The following EMG1 variants were observed in gnomAD, a reference collection of about 807,000 sequenced individuals.
The protein encoded by EMG1 is EMG1 N1-specific pseudouridine methyltransferase.
In EMG1, 24 loss-of-function variants were observed where a neutral mutation model predicts 26.9. That is an observed-to-expected ratio of 0.89 (90% confidence interval 0.65 to 1.26). The LOEUF (loss-of-function observed/expected upper bound fraction) is 1.26, where lower values mean the gene tolerates loss of function less well. Ranked by LOEUF, EMG1 falls within the 50% of genes most tolerant of loss-of-function variation. The pLI is 0.00. For missense variants in EMG1, 299 were observed against 307.6 expected (o/e 0.97, Z 0.21); for synonymous variants, 140 against 112.6 (o/e 1.24, Z -1.54).
chr12:6,984,979 G>T (rs782668225), intron 6 of EMG1, among the ~76,000 whole-genome samples: 9 of 150,188 alleles, frequency 6.0e-5, no homozygotes, highest in African/African-American at 2.0e-4. Context: ...AAAACGCTTA[G>T]AATAGTATCA....
In EMG1 at chr12:6,975,150, T is replaced by G; in HGVS notation, c.471+2T>G. ...GATGGCCCCCAGAAGCTTTTGAAGG[T>G]GAGGTATTGAAACCTGTTAGTTGAA... On this transcript the variant is annotated splice_donor_variant, in intron 4 of 5. Coordinates refer to ENST00000599672, the MANE Select transcript of EMG1 (RefSeq NM_006331.8). LOFTEE classifies it high-confidence loss of function. 6.2e-7 allele frequency: 1 copy of G among 1,614,056 alleles called. No individual in the cohort carries two copies. The highest frequency in any genetic ancestry group is 8.5e-7 in the Non-Finnish European group (1 of 1,179,892).
chr12:6,983,641 GAA>G, downstream of EMG1: 1 of 580,062 alleles, frequency 1.7e-6, no homozygotes, highest in Non-Finnish European at 3.0e-6. Flanking sequence ...GAGGGAGAGA[GAA>G]AAAAAAAACA....
At chr12:6,974,289 T>C (rs1946366223) in intron 1 of EMG1, 50 bp from the exon 2 acceptor site, 6 of 1,361,360 alleles carry the variant, frequency 4.4e-6, no homozygotes, top group Non-Finnish European at 6.2e-6. Context: ...ACCACGGGGC[T>C]AGGTAACAGA....
downstream of EMG1, chr12:6,980,815 T>C: frequency 4.3e-6 from 2 of 460,430 alleles, no homozygotes; most frequent in East Asian, 3.4e-5. Flanking sequence ...AGTGTTAGAA[T>C]GGATAACTGG....
intron 6 of EMG1, among the ~76,000 whole-genome samples, chr12:6,986,054 C>T (rs1037295135): frequency 1.3e-5 from 2 of 151,820 alleles, no homozygotes; most frequent in Non-Finnish European, 1.5e-5. Flanking sequence ...GGATTACAGG[C>T]GTGAGCCACC....
chr12:6,983,656 A>G (rs1555154457), downstream of EMG1: 1 of 670,632 alleles, frequency 1.5e-6, no homozygotes, highest in Admixed American at 2.9e-5. Context: ...AAAAAACAAC[A>G]TACATTATAT....
Position 6,978,418 on chromosome 12 carries a change from C to CA in EMG1, c.*2610dup. On this transcript the variant is annotated 3_prime_UTR_variant, in exon 6 of 6. Coordinates refer to ENST00000599672, the MANE Select transcript of EMG1 (RefSeq NM_006331.8). ...AGCGGGGGTTTGTTTCAAAGAGCCA[C>CA]ACCTTCATGTTGGCACAGGCATCCC... 1 of 1,614,116 alleles carries CA rather than the reference C, an allele frequency of 6.2e-7. No homozygotes were observed. Among genetic ancestry groups the CA allele is most frequent in the East Asian group, 2.2e-5 (1 of 44,894 alleles).
intron 3 of EMG1, 113 bp from the exon 4 acceptor site, chr12:6,974,977 A>C: frequency 9.2e-7 from 1 of 1,085,564 alleles, no homozygotes; most frequent in Non-Finnish European, 1.4e-6. Context: ...AGTCCAGTCT[A>C]GATATAAAGC....
chr12:6,982,699 G>A, downstream of EMG1: 3 of 1,613,414 alleles, frequency 1.9e-6, no homozygotes, highest in Non-Finnish European at 2.5e-6. Flanking sequence ...AAGGTAGTGA[G>A]GACGGCAGTG....
intron 1 of EMG1, among the ~76,000 whole-genome samples, chr12:6,971,794 A>T (rs1946332715): frequency 6.6e-6 from 1 of 152,190 alleles, no homozygotes; most frequent in Admixed American, 6.5e-5. Flanking sequence ...TCGTGTTTCA[A>T]TTCATTAGTA....
downstream of EMG1, among the ~76,000 whole-genome samples, chr12:6,989,115 T>C (rs1464166943): frequency 2.7e-5 from 4 of 148,224 alleles, no homozygotes; most frequent in African/African-American, 1.0e-4. Flanking sequence ...AGAGCGAAAC[T>C]CCATCTCAAA....
At position 6,979,908 on chromosome 12, in the gene EMG1, G is replaced by T; in HGVS notation, c.*4099G>T. 1 of 256,774 alleles carries T rather than the reference G, an allele frequency of 3.9e-6. No individual in the cohort carries two copies. The highest frequency in any genetic ancestry group is 1.4e-4 in the South Asian group (1 of 6,964). The allele number at this position is 256,774 out of a possible 1,614,324, so 15.9% of individuals were successfully genotyped here. ...CCATTGGGACTGAAAACCCAGTGGA[G>T]GTAAGATAATAAAAATAACCACTTT... On this transcript the variant is annotated 3_prime_UTR_variant, in exon 6 of 6. Coordinates refer to ENST00000599672, the MANE Select transcript of EMG1 (RefSeq NM_006331.8).
Position 6,975,692 on chromosome 12 carries a change from T to C in EMG1, c.622-4T>C. 1.3e-6 allele frequency: 2 copies of C among 1,592,102 alleles called. No homozygotes were observed. Among genetic ancestry groups the C allele is most frequent in the Non-Finnish European group, 1.7e-6 (2 of 1,159,846 alleles). On this transcript the variant is annotated splice_polypyrimidine_tract_variant and splice_region_variant and intron_variant, in intron 5 of 5. Coordinates refer to ENST00000599672, the MANE Select transcript of EMG1 (RefSeq NM_006331.8). ...GTTGGCTGACAAAACTGTTCTTTTC[T>C]TAGGTCAGTGTGGAGTATACAGAGA...
In EMG1 at chr12:6,979,331, G is replaced by A; in HGVS notation, c.*3522G>A. ...AACATGTCCCAGCACGGCTGGCATT[G>A]ACAACTCACAGATCTAGAGCAAAAC... is the stretch of plus-strand genomic sequence containing the variant. On this transcript the variant is annotated 3_prime_UTR_variant, in exon 6 of 6. Transcript: ENST00000599672. The A allele has an allele frequency of 3.0e-6, 2 of 665,362 alleles. No individual in the cohort carries two copies. Among genetic ancestry groups the A allele is most frequent in the Non-Finnish European group, 5.3e-6 (2 of 378,540 alleles). The allele number at this position is 665,362 out of a possible 1,614,324, so 41.2% of individuals were successfully genotyped here.
chr12:6,980,939 C>T, downstream of EMG1: 1 of 1,466,640 alleles, frequency 6.8e-7, no homozygotes, highest in African/African-American at 1.4e-5. Context: ...ATGCAGCTTT[C>T]AGAAGAGTCA....
downstream of EMG1, chr12:6,981,206 G>T: frequency 6.3e-7 from 1 of 1,577,068 alleles, no homozygotes; most frequent in Admixed American, 1.8e-5. Context: ...AGAATGCATG[G>T]TTCAGGATAG....
chr12:6,988,214 T>C (rs1461101269), exon 8 of EMG1: 1 of 164,764 alleles, frequency 6.1e-6, no homozygotes, highest in Non-Finnish European at 1.3e-5. Context: ...ACAGGTGAGG[T>C]ATTGCACACT....
intron 7 of EMG1, among the ~76,000 whole-genome samples, chr12:6,988,012 C>T (rs782530941): frequency 5.3e-5 from 8 of 151,840 alleles, no homozygotes; most frequent in East Asian, 3.8e-4. Context: ...TCCTAATTTA[C>T]GGCAGGCCTT....
intron 6 of EMG1, among the ~76,000 whole-genome samples, chr12:6,986,220 G>C (rs1454969282): frequency 1.3e-5 from 2 of 152,160 alleles, no homozygotes; most frequent in East Asian, 3.8e-4. Context: ...TGCCACTGCT[G>C]AGATGGCAAC....
Sources: allele counts gnomAD v4.1 joint callset (sites outside exome capture counted in the v4.1 genomes callset), GRCh38; gene constraint gnomAD v4.1.1; transcripts MANE v1.5; gene names NCBI Gene and HGNC (gene_info 2026-07-23, HGNC 2026-07-21).